TAC4: variants seen among roughly 807,000 people sequenced by gnomAD.
The protein encoded by TAC4 is tachykinin precursor 4, also known as tachykinin-4.
TAC4 carries 17 observed loss-of-function variants against 17.7 expected under a neutral mutation model. The observed-to-expected ratio is 0.96, with a 90% CI of 0.66 to 1.44. The LOEUF (loss-of-function observed/expected upper bound fraction) is 1.44, where lower values mean the gene tolerates loss of function less well. Among genes scored for constraint, TAC4 ranks in the 40% most tolerant of loss-of-function variants. The probability of loss-of-function intolerance (pLI) is 0.00; values close to 1 mark genes in which losing one functional copy is unlikely to be tolerated. For synonymous variants in TAC4, 62 were observed against 52.4 expected, an observed-to-expected ratio of 1.18 and a Z score of -0.79; for missense variants, 118 against 125.6, an observed-to-expected ratio of 0.94 and a Z score of 0.29.
intron 1 of TAC4, 65 bp downstream of exon 1, chr17:49,847,848 A>G (rs2074557121): frequency 1.2e-6 from 2 of 1,611,800 alleles, no homozygotes; most frequent in South Asian, 1.1e-5. Flanking sequence ...CTGCCTCTGC[A>G]CTGCCGATTA....
intron 1 of TAC4, among the ~76,000 whole-genome samples, chr17:49,845,511 A>G (rs1220675818): frequency 6.6e-6 from 1 of 152,214 alleles, no homozygotes; most frequent in Non-Finnish European, 1.5e-5. Context: ...TTGCACACAT[A>G]GGAGCCCAGC....
At position 49,838,408 on chromosome 17, in the gene TAC4, G is replaced by A; in HGVS notation, c.*234C>T. Reference sequence around the variant, plus strand: ...TGAGATGCCAACTCTGAGTGTGAGGGAGGGCAGAGTCAGTGCAGCTTGCTA... The same window carrying A: ...TGAGATGCCAACTCTGAGTGTGAGGAAGGGCAGAGTCAGTGCAGCTTGCTA... On this transcript the variant is annotated 3_prime_UTR_variant, in exon 5 of 5. Coordinates refer to ENST00000436235, the MANE Select transcript of TAC4 (RefSeq NM_001077506.2). 1 of 602,440 alleles carries A rather than the reference G, an allele frequency of 1.7e-6. No homozygotes were observed. Among genetic ancestry groups the A allele is most frequent in the Non-Finnish European group, 2.9e-6 (1 of 339,556 alleles). The allele number at this position is 602,440 out of a possible 1,614,324, so 37.3% of individuals were successfully genotyped here. A position where few individuals can be genotyped will look rare whatever the true frequency, so the allele number is the denominator to read the frequency against.
chr17:49,843,421 C>T (rs1430264819), intron 2 of TAC4, among the ~76,000 whole-genome samples: 1 of 152,326 alleles, frequency 6.6e-6, no homozygotes, highest in East Asian at 1.9e-4. Context: ...CCAGACTGGT[C>T]TCTAGCTTCA....
intron 1 of TAC4, chr17:49,847,205 C>T (rs746282282): frequency 7.8e-7 from 1 of 1,290,242 alleles, no homozygotes; most frequent in Non-Finnish European, 1.0e-6. Flanking sequence ...TGTCTGCCCC[C>T]CTGGAAGCCT....
chr17:49,838,329 A>G lies in TAC4; in HGVS notation c.*313T>C. The G allele has an allele frequency of 2.2e-6, 1 of 445,916 alleles. No homozygotes were observed. Among genetic ancestry groups the G allele is most frequent in the African/African-American group, 2.1e-5 (1 of 48,174 alleles). The allele number at this position is 445,916 out of a possible 1,614,324, so 27.6% of individuals were successfully genotyped here. ...CTGGTCACTCATTTATTGAGTGCCT[A>G]CTGTGTGCTAGGCACAGGATACAGA... On this transcript the variant is annotated 3_prime_UTR_variant, in exon 5 of 5. Coordinates refer to ENST00000436235, the MANE Select transcript of TAC4 (RefSeq NM_001077506.2).
chr17:49,842,264 C>A lies in TAC4; in HGVS notation c.200-680G>T, dbSNP rs535152835. Among the ~76,000 whole-genome samples, 12 of 152,064 alleles carry A rather than the reference C, an allele frequency of 7.9e-5. No homozygotes were observed. In the East Asian group the frequency reaches 1.6e-3, roughly 20 times the overall value. ...GTTTGAAATGGGCCGGGCGCGTTGG[C>A]TCACACCTGTAATCCCAGCACTTTG... On this transcript the variant is annotated intron_variant, in intron 2 of 4. Transcript: ENST00000436235.
intron 2 of TAC4, among the ~76,000 whole-genome samples, chr17:49,842,745 C>T (rs2074508246): frequency 6.6e-6 from 1 of 152,154 alleles, no homozygotes; most frequent in African/African-American, 2.4e-5. Context: ...CCCCTCATCT[C>T]CACTTCTGTC....
intron 1 of TAC4, chr17:49,847,688 CACAG>C (rs1184870159): frequency 4.1e-4 from 180 of 434,024 alleles, no homozygotes; most frequent in Admixed American, 8.1e-4. Flanking sequence ...CACACACACA[CACAG>C]ACACACACAC....
chr17:49,840,834 T>G (rs1273119227), intron 3 of TAC4, among the ~76,000 whole-genome samples: 1 of 151,884 alleles, frequency 6.6e-6, no homozygotes, highest in Non-Finnish European at 1.5e-5. Context: ...TTGATTTTGT[T>G]TTTCGCTTTT....
At chr17:49,843,836 T>G (rs1409332424) in intron 2 of TAC4, among the ~76,000 whole-genome samples, 2 of 152,126 alleles carry the variant, frequency 1.3e-5, no homozygotes, top group Non-Finnish European at 2.9e-5. Context: ...TTAAGTGATG[T>G]ACCCACCTCG....
chr17:49,844,432 A>G (rs749266785), intron 1 of TAC4, among the ~76,000 whole-genome samples: 4 of 151,886 alleles, frequency 2.6e-5, no homozygotes, highest in Non-Finnish European at 5.9e-5. Flanking sequence ...TGTTACTGTC[A>G]TTTTACACAT....
intron 3 of TAC4, among the ~76,000 whole-genome samples, chr17:49,841,229 A>T (rs1287001550): frequency 7.0e-6 from 1 of 142,372 alleles, no homozygotes; most frequent in Non-Finnish European, 1.5e-5. Flanking sequence ...AAGCACTCTT[A>T]TCTCTAGTGG....
chr17:49,846,294 T>G (rs1205415323), intron 1 of TAC4: 5 of 603,724 alleles, frequency 8.3e-6, no homozygotes, highest in Non-Finnish European at 1.3e-5. Flanking sequence ...TTTTTTTTTT[T>G]GAGACAGGGT....
In TAC4 at chr17:49,838,592, G is replaced by C. The variant is rs190924263; in HGVS notation, c.*50C>G. ...GCCGGCTTGTCAGCTGTGACATCCA[G>C]GTAGGAAGAAGCGGCACCGTGTCCT... On this transcript the variant is annotated 3_prime_UTR_variant, in exon 5 of 5. Coordinates refer to ENST00000436235, the MANE Select transcript of TAC4 (RefSeq NM_001077506.2). 5.9e-4 allele frequency: 951 copies of C among 1,612,264 alleles called. No homozygotes were observed. Among genetic ancestry groups the C allele is most frequent in the Non-Finnish European group, 7.0e-4 (820 of 1,178,520 alleles).
At chr17:49,847,433 G>C in intron 1 of TAC4, 1 of 456,200 alleles carries the variant, frequency 2.2e-6, no homozygotes, top group South Asian at 2.0e-5. Context: ...TTCTGGAAAA[G>C]CTCCTCAGAT....
At chr17:49,843,846 G>A (rs1221636669) in intron 2 of TAC4, among the ~76,000 whole-genome samples, 1 of 152,026 alleles carries the variant, frequency 6.6e-6, no homozygotes. Context: ...TACCCACCTC[G>A]GCCTGCCAAA....
chr17:49,841,710 TC>T, intron 2 of TAC4, 126 bp from the exon 3 acceptor site: 1 of 899,940 alleles, frequency 1.1e-6, no homozygotes, highest in Non-Finnish European at 1.6e-6. Flanking sequence ...ATTCTAGTCA[TC>T]CCCAGTTATC....
chr17:49,839,795 A>G, intron 4 of TAC4, 55 bp downstream of exon 4: 1 of 1,539,264 alleles, frequency 6.5e-7, no homozygotes, highest in South Asian at 1.2e-5. Context: ...CTGGCAGCAA[A>G]GTGTCTGGCC....
intron 3 of TAC4, 90 bp downstream of exon 3, chr17:49,841,462 A>G (rs1303621407): frequency 2.2e-6 from 3 of 1,376,024 alleles, no homozygotes; most frequent in Non-Finnish European, 2.9e-6. Context: ...TGGCCAGAGC[A>G]TCTCCCCTCA....
Sources: allele counts gnomAD v4.1 joint callset (sites outside exome capture counted in the v4.1 genomes callset), GRCh38; gene constraint gnomAD v4.1.1; transcripts MANE v1.5; gene names NCBI Gene and HGNC (gene_info 2026-07-23, HGNC 2026-07-21).